CSMD1: variants seen among roughly 807,000 people sequenced by gnomAD.
The protein encoded by CSMD1 is CUB and Sushi multiple domains 1.
CSMD1 carries 213 observed loss-of-function variants against 417.5 expected under a neutral mutation model. That is an observed-to-expected ratio of 0.51 (90% CI 0.46 to 0.57). CSMD1 has a LOEUF of 0.57. Among genes scored for constraint, CSMD1 ranks in the 20% least tolerant of loss-of-function variants. The pLI, the probability that CSMD1 is intolerant of heterozygous loss-of-function variation, is 0.00. For synonymous variants in CSMD1, 2,862 were observed against 1,736.8 expected (o/e 1.65, Z -16.11); for missense variants, 6,923 against 4,529.7 (o/e 1.53, Z -15.17).
intron 50 of CSMD1, 66 bp downstream of exon 50, chr8:3,052,396 T>G (rs2128989499): frequency 4.5e-6 from 6 of 1,333,750 alleles, no homozygotes; most frequent in African/African-American, 1.5e-5. Context: ...GAACCCGGAC[T>G]TCTCCCGAAA....
At chr8:3,456,250 T>G (rs1240382341) in intron 12 of CSMD1, among the ~76,000 whole-genome samples, 1 of 152,124 alleles carries the variant, frequency 6.6e-6, no homozygotes, top group Admixed American at 6.5e-5. Context: ...CCTGACCGCT[T>G]GCTCTTCATA....
intron 7 of CSMD1, among the ~76,000 whole-genome samples, chr8:3,644,965 T>TGAAAAAAA (rs1797501492): frequency 3.5e-5 from 1 of 28,806 alleles, no homozygotes; most frequent in African/African-American, 2.3e-4. Flanking sequence ...AGGCTTTAAA[T>TGAAAAAAA]GAAAAAAAAA....
chr8:3,688,706 C>A (rs12544793), intron 7 of CSMD1, among the ~76,000 whole-genome samples: 3,987 of 152,204 alleles, frequency 0.026, 77 homozygotes, highest in Non-Finnish European at 0.04. Flanking sequence ...CTCTGAATTT[C>A]TTTCTCCTCA....
intron 7 of CSMD1, among the ~76,000 whole-genome samples, chr8:3,692,523 C>G (rs1482553609): frequency 6.6e-6 from 1 of 151,936 alleles, no homozygotes; most frequent in African/African-American, 2.4e-5. Context: ...CTCACTACAA[C>G]CTTCACATCC....
At chr8:2,971,870 G>A (rs1804488736) in intron 57 of CSMD1, among the ~76,000 whole-genome samples, 1 of 152,036 alleles carries the variant, frequency 6.6e-6, no homozygotes, top group African/African-American at 2.4e-5. Flanking sequence ...CTTTTTTAGG[G>A]CCTAGTCTTA....
At chr8:3,111,363 A>C (rs934355172) in intron 42 of CSMD1, among the ~76,000 whole-genome samples, 2 of 114,634 alleles carry the variant, frequency 1.7e-5, no homozygotes, top group Admixed American at 2.0e-4. Context: ...AGAAGAAGGG[A>C]CTGTATGTAG....
intron 3 of CSMD1, among the ~76,000 whole-genome samples, chr8:4,306,972 G>A (rs1187378754): frequency 3.3e-5 from 5 of 152,022 alleles, no homozygotes; most frequent in Admixed American, 6.6e-5. Flanking sequence ...CTCTCAGATC[G>A]ACTGTCTTTT....
intron 3 of CSMD1, among the ~76,000 whole-genome samples, chr8:4,378,138 G>T (rs534786731): frequency 1.3e-5 from 2 of 152,278 alleles, no homozygotes; most frequent in African/African-American, 2.4e-5. Flanking sequence ...GAGTGTACAT[G>T]CTTCAATATT....
intron 3 of CSMD1, among the ~76,000 whole-genome samples, chr8:4,117,773 C>T (rs904708917): frequency 6.6e-6 from 1 of 151,994 alleles, no homozygotes; most frequent in Non-Finnish European, 1.5e-5. Context: ...ACACACCAGG[C>T]CCATTCAGAG....
chr8:3,427,611 T>G (rs925990602), intron 12 of CSMD1, among the ~76,000 whole-genome samples: 1 of 152,222 alleles, frequency 6.6e-6, no homozygotes, highest in Admixed American at 6.5e-5. Context: ...GACCATACTC[T>G]GCAAATCTAG....
chr8:4,124,867 G>C (rs894888684), intron 3 of CSMD1, among the ~76,000 whole-genome samples: 1 of 152,050 alleles, frequency 6.6e-6, no homozygotes, highest in Non-Finnish European at 1.5e-5. Flanking sequence ...AACTCTATAG[G>C]ACAGAAAAAG....
intron 5 of CSMD1, among the ~76,000 whole-genome samples, chr8:3,996,340 C>T (rs1023659432): frequency 1.1e-4 from 16 of 152,088 alleles, no homozygotes; most frequent in Non-Finnish European, 2.4e-4. Flanking sequence ...TTTCTGAAAA[C>T]CACAATAATT....
intron 1 of CSMD1, among the ~76,000 whole-genome samples, chr8:4,793,507 G>A (rs1013454152): frequency 5.9e-5 from 9 of 151,782 alleles, no homozygotes; most frequent in African/African-American, 1.9e-4. Context: ...CTGGTTCCCA[G>A]ACACCTACAC....
At chr8:3,462,887 TG>T (rs1816595187) in intron 12 of CSMD1, among the ~76,000 whole-genome samples, 1 of 152,176 alleles carries the variant, frequency 6.6e-6, no homozygotes, top group Non-Finnish European at 1.5e-5. Flanking sequence ...TTTTCAGAGA[TG>T]GGCCAGCCTT....
chr8:4,049,839 T>A (rs1280240215), intron 3 of CSMD1, among the ~76,000 whole-genome samples: 2 of 152,208 alleles, frequency 1.3e-5, no homozygotes, highest in African/African-American at 2.4e-5. Flanking sequence ...TGACCAATAT[T>A]GGCATATTCT....
intron 11 of CSMD1, among the ~76,000 whole-genome samples, chr8:3,483,570 T>C (rs1383527759): frequency 6.6e-6 from 1 of 152,102 alleles, no homozygotes; most frequent in Non-Finnish European, 1.5e-5. Context: ...AACGTCAAGA[T>C]TTCATAAACT....
chr8:3,855,400 A>C (rs1174824152), intron 5 of CSMD1, among the ~76,000 whole-genome samples: 3 of 152,138 alleles, frequency 2.0e-5, no homozygotes, highest in East Asian at 1.9e-4. Flanking sequence ...TAAAAACAAC[A>C]AAAATAAAAG....
At chr8:4,322,306 A>T (rs1313417233) in intron 3 of CSMD1, among the ~76,000 whole-genome samples, 1 of 149,902 alleles carries the variant, frequency 6.7e-6, no homozygotes, top group African/African-American at 2.4e-5. Flanking sequence ...TGTTATCTGC[A>T]TATTTGAAGA....
chr8:4,181,504 A>T (rs566865161), intron 3 of CSMD1, among the ~76,000 whole-genome samples: 1 of 152,188 alleles, frequency 6.6e-6, no homozygotes. Context: ...GCTTTAAAAA[A>T]ATCACCAGAA....
Sources: gnomAD v4.1 joint callset for allele counts (sites outside exome capture counted in the v4.1 genomes callset) on GRCh38, gnomAD v4.1.1 for gene constraint, MANE v1.5 for transcripts, NCBI Gene and HGNC (gene_info 2026-07-23, HGNC 2026-07-21) for gene names.